The following METTL16 variants were observed in gnomAD, a reference collection of about 807,000 sequenced individuals.
The protein encoded by METTL16 is RNA N(6)-adenosine-methyltransferase METTL16.
A neutral mutation model predicts 57.9 loss-of-function variants in METTL16; 19 were observed. That is an observed-to-expected ratio of 0.33 (90% CI 0.23 to 0.48). The LOEUF is 0.48. METTL16 is among the 20% of genes least tolerant of loss of function. The pLI, the probability that METTL16 is intolerant of heterozygous loss-of-function variation, is 0.99. For missense variants in METTL16, 434 were observed against 691.5 expected, an observed-to-expected ratio of 0.63 and a Z score of 4.18; for synonymous variants, 246 against 255.6, an observed-to-expected ratio of 0.96 and a Z score of 0.36.
rs2066755309 is a variant in METTL16, at chr17:2,420,374, T to C, written c.1285A>G (p.Arg429Gly). The C allele has an allele frequency of 6.2e-7, 1 of 1,612,802 alleles. No homozygotes were observed. The highest frequency in any genetic ancestry group is 8.5e-7 in the Non-Finnish European group (1 of 1,179,976). ...SQELARGPQE[R>G]TPCGPALREG... is the part of the protein sequence containing the mutation. ...CGCAGAGCAGGCCCACAGGGGGTCC[T>C]CTCCTGGGGGCCCCTGGCCAGTTCT... The change falls in exon 10 of 10, where the codon AGG becomes GGG. Residue 429 changes from arginine to glycine, a missense_variant. Arg to Gly is a moderately radical substitution (Grantham distance 125). Coordinates refer to ENST00000263092, the MANE Select transcript of METTL16 (RefSeq NM_024086.4). The surrounding 1 kb of genome is among the most constrained non-coding windows in gnomAD (Gnocchi z 5.4).
At chr17:2,481,616 A>G (rs2067307462) in intron 2 of METTL16, among the ~76,000 whole-genome samples, 2 of 152,194 alleles carry the variant, frequency 1.3e-5, no homozygotes, top group Admixed American at 1.3e-4. Flanking sequence ...ATGAAATGGA[A>G]AGGAGCAAGA....
intron 6 of METTL16, among the ~76,000 whole-genome samples, chr17:2,462,136 T>C (rs576476708): frequency 6.6e-6 from 1 of 152,176 alleles, no homozygotes; most frequent in Non-Finnish European, 1.5e-5. Flanking sequence ...AAATGTGGCA[T>C]ATCAGCCTTA....
At chr17:2,493,129 C>CTTTTTT (rs764351584) in intron 2 of METTL16, among the ~76,000 whole-genome samples, 1 of 132,884 alleles carries the variant, frequency 7.5e-6, no homozygotes, top group Non-Finnish European at 1.6e-5. Flanking sequence ...GGTGATTCTT[C>CTTTTTT]TTTTTTTTTT....
chr17:2,473,393 C>T, intron 4 of METTL16, 131 bp downstream of exon 4: 1 of 920,734 alleles, frequency 1.1e-6, no homozygotes, highest in Non-Finnish European at 1.6e-6. Context: ...GACAGCAAAC[C>T]CAATTACAAA....
rs971651288 is a variant in METTL16 at position 2,416,336 on chromosome 17, C to T, written c.*3634G>A. On this transcript the variant is annotated 3_prime_UTR_variant, in exon 10 of 10. Transcript: ENST00000263092. ...CAAAAGGCCTCGGATTTCCCACAGGCTTTTCCATCTTTTCCACTCCTTGCA... is the reference window on the plus strand; with the variant it reads ...CAAAAGGCCTCGGATTTCCCACAGGTTTTTCCATCTTTTCCACTCCTTGCA... 4 of 152,240 alleles carry T rather than the reference C, an allele frequency of 2.6e-5. No individual in the cohort carries two copies. The highest frequency in any genetic ancestry group is 9.6e-5 in the African/African-American group (4 of 41,466). 9.4% of individuals were successfully genotyped at this position (152,240 alleles called of 1,614,324 possible). A position where few individuals can be genotyped will look rare whatever the true frequency, so the allele number is the denominator to read the frequency against.
At chr17:2,424,717 G>C (rs1026915540) in intron 8 of METTL16, among the ~76,000 whole-genome samples, 14 of 152,096 alleles carry the variant, frequency 9.2e-5, no homozygotes, top group Admixed American at 8.5e-4. Flanking sequence ...GGGAGGCTGA[G>C]GTGGGTGGAT....
At chr17:2,504,475 GCAT>G (rs1439276578) in intron 1 of METTL16, among the ~76,000 whole-genome samples, 1 of 152,066 alleles carries the variant, frequency 6.6e-6, no homozygotes. Context: ...TCCTTTAAGA[GCAT>G]CAAAGTGACA....
At chr17:2,484,285 A>C (rs1159923965) in intron 2 of METTL16, among the ~76,000 whole-genome samples, 1 of 152,210 alleles carries the variant, frequency 6.6e-6, no homozygotes, top group Admixed American at 6.6e-5. Context: ...CCCTGACAAG[A>C]TAAAGAGCTT....
rs377018879 is a variant in METTL16, at chr17:2,493,344, C to T, written c.128+8860G>A. On this transcript the variant is annotated intron_variant, in intron 2 of 9. Transcript: ENST00000263092. ...GACCTCATGATCCGCCCGCCTTGGC[C>T]TCCCAAAGTGCTGGAATTACAGGCA... Among the ~76,000 whole-genome samples the T allele has an allele frequency of 1.9e-3, 281 of 151,538 alleles. 1 individual carries two copies. The highest frequency in any genetic ancestry group is 6.4e-3 in the African/African-American group (265 of 41,420).
At position 2,420,645 on chromosome 17, in the gene METTL16, C is replaced by A; in HGVS notation, c.1063-49G>T. ...TTGTGGGAAATCACGTTTCCCCTCT[C>A]TCCAAACTCTCAATAAAAAAAAAAA... On this transcript the variant is annotated intron_variant, in intron 9 of 9. Coordinates refer to ENST00000263092, the MANE Select transcript of METTL16 (RefSeq NM_024086.4). This position sits in a 1 kb window ranked among gnomAD's most constrained non-coding sequence, Gnocchi z 5.4. 1 of 1,565,478 alleles carries A rather than the reference C, an allele frequency of 6.4e-7. No homozygotes were observed. The highest frequency in any genetic ancestry group is 8.6e-7 in the Non-Finnish European group (1 of 1,163,132).
At chr17:2,480,788 C>G (rs1819637982) in intron 2 of METTL16, among the ~76,000 whole-genome samples, 1 of 152,116 alleles carries the variant, frequency 6.6e-6, no homozygotes. Context: ...ATGAGTCCAT[C>G]CTTAAATGTA....
At chr17:2,480,559 C>T (rs767531131) in intron 2 of METTL16, among the ~76,000 whole-genome samples, 2 of 152,110 alleles carry the variant, frequency 1.3e-5, no homozygotes, top group Non-Finnish European at 2.9e-5. Flanking sequence ...CCAAAGGAAT[C>T]GGAGTTCCTT....
chr17:2,442,798 A>C (rs1192362771), intron 6 of METTL16, among the ~76,000 whole-genome samples: 1 of 152,140 alleles, frequency 6.6e-6, no homozygotes, highest in Admixed American at 6.6e-5. Context: ...CAAACTACCC[A>C]AGATTACTCA....
chr17:2,428,597 A>AT (rs1337382844), intron 8 of METTL16, among the ~76,000 whole-genome samples: 4 of 49,840 alleles, frequency 8.0e-5, no homozygotes, highest in Non-Finnish European at 1.3e-4. Flanking sequence ...ATATATATAT[A>AT]TATATAAATT....
rs369059220 is a variant in METTL16, at chr17:2,419,929, G to C, written c.*41C>G. Reference sequence around the variant, plus strand: ...TTGCCACCCCACAGGCCACTCCAAAGCAAGTTACTATCAACACGTTTCCAA... The same window carrying C: ...TTGCCACCCCACAGGCCACTCCAAACCAAGTTACTATCAACACGTTTCCAA... On this transcript the variant is annotated 3_prime_UTR_variant, in exon 10 of 10. Transcript: ENST00000263092. 5 of 1,603,854 alleles carry C rather than the reference G, an allele frequency of 3.1e-6. No individual in the cohort carries two copies. Among genetic ancestry groups the C allele is most frequent in the Non-Finnish European group, 4.3e-6 (5 of 1,173,778 alleles).
intron 8 of METTL16, among the ~76,000 whole-genome samples, chr17:2,426,661 G>A (rs541890278): frequency 3.4e-5 from 5 of 148,584 alleles, no homozygotes; most frequent in Admixed American, 6.8e-5. Flanking sequence ...CCAGGGAGTC[G>A]GAGGTTGCAG....
chr17:2,422,763 G>C (rs916459122), intron 8 of METTL16, among the ~76,000 whole-genome samples: 1 of 152,042 alleles, frequency 6.6e-6, no homozygotes, highest in Non-Finnish European at 1.5e-5. Flanking sequence ...GCGGCCGGAT[G>C]GATTGAGCTC....
At chr17:2,485,923 G>A (rs2067337991) in intron 2 of METTL16, among the ~76,000 whole-genome samples, 1 of 152,186 alleles carries the variant, frequency 6.6e-6, no homozygotes, top group South Asian at 2.1e-4. Context: ...GTCAGAGGAG[G>A]CTTCCCTGCA....
At chr17:2,492,251 T>C (rs2067403544) in intron 2 of METTL16, among the ~76,000 whole-genome samples, 1 of 152,080 alleles carries the variant, frequency 6.6e-6, no homozygotes, top group Non-Finnish European at 1.5e-5. Flanking sequence ...ATCGGTTAAG[T>C]GTCACATTCT....
Sources: gnomAD v4.1 joint callset for allele counts (sites outside exome capture counted in the v4.1 genomes callset) on GRCh38, gnomAD v4.1.1 for gene constraint, Gnocchi (gnomAD v3.1) non-coding constraint, MANE v1.5 for transcripts, NCBI Gene and HGNC (gene_info 2026-07-23, HGNC 2026-07-21) for gene names.